The following PCDHGA4 variants were observed in gnomAD, a reference collection of about 807,000 sequenced individuals.
PCDHGA4 encodes the protein protocadherin gamma subfamily A, 4.
Under a neutral mutation model 54.6 loss-of-function variants are expected in PCDHGA4, and 38 were observed. That is an observed-to-expected ratio of 0.70 (90% confidence interval 0.54 to 0.91). The LOEUF (loss-of-function observed/expected upper bound fraction) is 0.91, where lower values mean the gene tolerates loss of function less well. Ranked by LOEUF, PCDHGA4 falls within the 40% of genes least tolerant of loss-of-function variation. The probability of loss-of-function intolerance (pLI) is 0.00; values close to 1 mark genes in which losing one functional copy is unlikely to be tolerated. For missense variants in PCDHGA4, 1,298 were observed against 1,220.9 expected (o/e 1.06, Z -0.94); for synonymous variants, 511 against 512.9 (o/e 1.00, Z 0.05).
intron 1 of PCDHGA4, chr5:141,374,693 G>A (rs1222347266): frequency 6.2e-7 from 1 of 1,609,316 alleles, no homozygotes; most frequent in Non-Finnish European, 8.5e-7. Flanking sequence ...GGACCGGGAA[G>A]GAGAAGCCGT....
At chr5:141,435,346 G>A (rs2097758346) in intron 1 of PCDHGA4, among the ~76,000 whole-genome samples, 1 of 152,012 alleles carries the variant, frequency 6.6e-6, no homozygotes, top group South Asian at 2.1e-4. Flanking sequence ...TATTTCTTCT[G>A]CATTTAAAAT....
intron 3 of PCDHGA4, among the ~76,000 whole-genome samples, chr5:141,507,803 G>GAC (rs2099863701): frequency 6.6e-6 from 1 of 152,228 alleles, no homozygotes; most frequent in Admixed American, 6.5e-5. Flanking sequence ...CCTGCGCCCT[G>GAC]GGGAACGGAC....
At chr5:141,437,761 C>G (rs1200327020) in intron 1 of PCDHGA4, among the ~76,000 whole-genome samples, 3 of 144,682 alleles carry the variant, frequency 2.1e-5, no homozygotes, top group Admixed American at 7.0e-5. Flanking sequence ...TTTTTTGAGA[C>G]AGAGTCTCAA....
At chr5:141,404,451 C>G in intron 1 of PCDHGA4, 4 of 1,613,166 alleles carry the variant, frequency 2.5e-6, no homozygotes, top group Non-Finnish European at 3.4e-6. Flanking sequence ...CAAGGGTCTC[C>G]TCTCTCCACC....
At position 141,490,076 on chromosome 5, in the gene PCDHGA4, A is replaced by G. The variant is rs1025569516; in HGVS notation, c.2515-4731A>G. 2.5e-6 allele frequency: 4 copies of G among 1,614,240 alleles called. No homozygotes were observed. The highest frequency in any genetic ancestry group is 1.3e-5 in the African/African-American group (1 of 75,070). Reference sequence around the variant, plus strand: ...GAGGGCACCAACGGCCAACTAGACTATTCTTTTGGAGACCACACATCTGAG... The same window carrying G: ...GAGGGCACCAACGGCCAACTAGACTGTTCTTTTGGAGACCACACATCTGAG... On this transcript the variant is annotated intron_variant, in intron 1 of 3. Coordinates refer to ENST00000571252, the MANE Select transcript of PCDHGA4 (RefSeq NM_018917.4). The surrounding 1 kb of genome is among the most constrained non-coding windows in gnomAD (Gnocchi z 5.4).
chr5:141,421,297 C>T (rs143092131), intron 1 of PCDHGA4: 106 of 1,613,512 alleles, frequency 6.6e-5, no homozygotes, highest in Non-Finnish European at 8.5e-5. Flanking sequence ...CCTGGGGACG[C>T]TGCGGGGGTT....
At chr5:141,478,247 G>T in intron 1 of PCDHGA4, 1 of 1,614,076 alleles carries the variant, frequency 6.2e-7, no homozygotes, top group Non-Finnish European at 8.5e-7. Context: ...CACAGTGTTC[G>T]GAGTAATCAT....
intron 1 of PCDHGA4, among the ~76,000 whole-genome samples, chr5:141,472,119 A>C (rs1015212535): frequency 6.6e-6 from 1 of 152,240 alleles, no homozygotes; most frequent in African/African-American, 2.4e-5. Context: ...AAAGAAAATA[A>C]AAGAGAAGTT....
At chr5:141,479,975 C>A (rs1459297521) in intron 1 of PCDHGA4, among the ~76,000 whole-genome samples, 1 of 152,186 alleles carries the variant, frequency 6.6e-6, no homozygotes, top group East Asian at 1.9e-4. Context: ...TGAGGTTCTA[C>A]CATTTACCAA....
At chr5:141,492,601 C>T (rs1374321466) in intron 1 of PCDHGA4, among the ~76,000 whole-genome samples, 2 of 152,220 alleles carry the variant, frequency 1.3e-5, no homozygotes, top group East Asian at 3.9e-4. Context: ...GGAGCGACTG[C>T]CGCTCTAAGT....
intron 2 of PCDHGA4, among the ~76,000 whole-genome samples, chr5:141,495,703 GGAGT>G (rs2099763108): frequency 6.6e-6 from 1 of 152,098 alleles, no homozygotes; most frequent in South Asian, 2.1e-4. Context: ...CAATAAATGT[GGAGT>G]GAGTAACTAC....
At chr5:141,436,042 T>A (rs1246680632) in intron 1 of PCDHGA4, among the ~76,000 whole-genome samples, 4 of 152,182 alleles carry the variant, frequency 2.6e-5, no homozygotes, top group Non-Finnish European at 5.9e-5. Context: ...TGTATTTACA[T>A]TAGTTTTCAA....
At chr5:141,502,368 G>A (rs2099813930) in intron 2 of PCDHGA4, among the ~76,000 whole-genome samples, 1 of 151,996 alleles carries the variant, frequency 6.6e-6, no homozygotes, top group East Asian at 1.9e-4. Context: ...TATTTTTAAA[G>A]AGTCCAGGCC....
intron 1 of PCDHGA4, chr5:141,382,987 C>G: frequency 6.2e-7 from 1 of 1,613,278 alleles, no homozygotes; most frequent in Non-Finnish European, 8.5e-7. Context: ...CTGGGCAGGA[C>G]GTATTCTCTA....
chr5:141,375,800 A>C, intron 1 of PCDHGA4: 1 of 1,614,162 alleles, frequency 6.2e-7, no homozygotes, highest in Non-Finnish European at 8.5e-7. Context: ...AGACGGTTCC[A>C]CTGGCGTGGA....
At chr5:141,466,280 C>T (rs1181499549) in intron 1 of PCDHGA4, among the ~76,000 whole-genome samples, 1 of 152,142 alleles carries the variant, frequency 6.6e-6, no homozygotes, top group Admixed American at 6.6e-5. Flanking sequence ...AAGCAATCTT[C>T]CCACCTCAGG....
In PCDHGA4 at chr5:141,500,938, G is replaced by A. The variant is rs1317178701; in HGVS notation, c.2574-4455G>A. On this transcript the variant is annotated intron_variant, in intron 2 of 3. Transcript: ENST00000571252. Reference sequence around the variant, plus strand: ...GGCTGGGGTGCAGTGGCGCCATCTCGGCTCACTGCAAGCTCCACCTCCTGG... The same window carrying A: ...GGCTGGGGTGCAGTGGCGCCATCTCAGCTCACTGCAAGCTCCACCTCCTGG... 2.6e-5 allele frequency among the ~76,000 whole-genome samples: 4 copies of A among 151,060 alleles called. No homozygotes were observed. The East Asian group carries it at 5.8e-4, about 22-fold the overall frequency.
At chr5:141,460,425 G>A (rs953425058) in intron 1 of PCDHGA4, among the ~76,000 whole-genome samples, 3 of 152,114 alleles carry the variant, frequency 2.0e-5, no homozygotes. Flanking sequence ...TATGTATGGT[G>A]TATGGTGTGA....
At chr5:141,501,871 C>T (rs562714939) in intron 2 of PCDHGA4, among the ~76,000 whole-genome samples, 3 of 152,244 alleles carry the variant, frequency 2.0e-5, no homozygotes, top group African/African-American at 7.2e-5. Context: ...CAGGACGCCT[C>T]CTTACACTCC....
Sources: gnomAD v4.1 joint callset for allele counts (sites outside exome capture counted in the v4.1 genomes callset) on GRCh38, gnomAD v4.1.1 for gene constraint, Gnocchi (gnomAD v3.1) non-coding constraint, MANE v1.5 for transcripts, NCBI Gene and HGNC (gene_info 2026-07-23, HGNC 2026-07-21) for gene names.